Variants in TAFA2 observed in about 807,000 individuals in gnomAD.
The protein encoded by TAFA2 is chemokine-like protein TAFA-2.
TAFA2 carries 7 observed loss-of-function variants against 18.8 expected under a neutral mutation model. That is an observed-to-expected ratio of 0.37 (90% CI 0.21 to 0.70). The LOEUF is 0.70. Among genes scored for constraint, TAFA2 ranks in the 30% least tolerant of loss-of-function variants. The pLI is 0.53. For missense variants in TAFA2, 122 were observed against 158.1 expected, an observed-to-expected ratio of 0.77 and a Z score of 1.23; for synonymous variants, 60 against 54.2, an observed-to-expected ratio of 1.11 and a Z score of -0.47.
chr12:61,928,981 G>A (rs1877429221), intron 1 of TAFA2, among the ~76,000 whole-genome samples: 2 of 151,952 alleles, frequency 1.3e-5, no homozygotes, highest in Non-Finnish European at 2.9e-5. Context: ...ACACAGGGAG[G>A]GGAACATCAC....
At chr12:61,891,024 T>C (rs539987959) in intron 1 of TAFA2, among the ~76,000 whole-genome samples, 23 of 152,360 alleles carry the variant, frequency 1.5e-4, no homozygotes, top group African/African-American at 4.8e-4. Flanking sequence ...TCAGGAAATA[T>C]GTTTTGAGTA....
At chr12:61,912,387 G>A (rs777153030) in intron 1 of TAFA2, among the ~76,000 whole-genome samples, 7 of 152,136 alleles carry the variant, frequency 4.6e-5, no homozygotes, top group East Asian at 1.9e-4. Context: ...GAGATATATC[G>A]AGTGAAATAA....
chr12:61,998,154 T>A (rs1431225378), intron 1 of TAFA2, among the ~76,000 whole-genome samples: 1 of 152,144 alleles, frequency 6.6e-6, no homozygotes, highest in Non-Finnish European at 1.5e-5. Context: ...TCAGAGCAAG[T>A]AAAAGGAGAG....
intron 1 of TAFA2, among the ~76,000 whole-genome samples, chr12:62,161,498 G>C (rs1456816248): frequency 6.6e-6 from 1 of 152,178 alleles, no homozygotes; most frequent in Admixed American, 6.5e-5. Context: ...GCTAAACAAT[G>C]TGTACACATG....
At chr12:62,015,099 C>T (rs1177971945) in intron 1 of TAFA2, among the ~76,000 whole-genome samples, 2 of 152,198 alleles carry the variant, frequency 1.3e-5, no homozygotes, top group Non-Finnish European at 2.9e-5. Context: ...TGAAAAGTTA[C>T]TATGTCTCCA....
intron 1 of TAFA2, among the ~76,000 whole-genome samples, chr12:62,137,779 C>A (rs569834550): frequency 6.6e-6 from 1 of 152,214 alleles, no homozygotes; most frequent in East Asian, 1.9e-4. Flanking sequence ...ACACAGCAGC[C>A]AAAGTGATGC....
intron 1 of TAFA2, chr12:62,021,913 C>A: frequency 1.3e-6 from 1 of 743,242 alleles, no homozygotes; most frequent in Non-Finnish European, 2.5e-6. Context: ...TTTGGCCCCA[C>A]TCTCCATGAT....
At chr12:61,768,414 G>A (rs888209086) in intron 2 of TAFA2, among the ~76,000 whole-genome samples, 2 of 152,070 alleles carry the variant, frequency 1.3e-5, no homozygotes. Context: ...AACTACCGCA[G>A]GGACATACCA....
intron 4 of TAFA2, among the ~76,000 whole-genome samples, chr12:61,734,571 T>G (rs928385972): frequency 1.3e-5 from 2 of 151,986 alleles, no homozygotes; most frequent in African/African-American, 4.8e-5. Context: ...AGGAATGTAT[T>G]AGGCCCTATC....
intron 1 of TAFA2, among the ~76,000 whole-genome samples, chr12:62,131,563 T>A (rs1870686630): frequency 6.6e-6 from 1 of 151,992 alleles, no homozygotes; most frequent in South Asian, 2.1e-4. Context: ...CAAGACCACT[T>A]TTGAAGAGTG....
intron 1 of TAFA2, among the ~76,000 whole-genome samples, chr12:62,045,367 C>A (rs1171179375): frequency 6.6e-6 from 1 of 151,790 alleles, no homozygotes; most frequent in Admixed American, 6.6e-5. Context: ...TGGCTGGAAC[C>A]TGACCAAGAA....
intron 4 of TAFA2, among the ~76,000 whole-genome samples, chr12:61,734,755 A>T (rs949405814): frequency 1.6e-4 from 24 of 151,706 alleles, no homozygotes; most frequent in African/African-American, 5.6e-4. Context: ...ACCTCTTTTT[A>T]TTTTTTTTAA....
intron 2 of TAFA2, among the ~76,000 whole-genome samples, chr12:61,835,778 AAAATGGTGC>A (rs1229942959): frequency 6.6e-6 from 1 of 151,986 alleles, no homozygotes; most frequent in Non-Finnish European, 1.5e-5. Context: ...ATTACTGAAT[AAAATGGTGC>A]AAACATTTTG....
intron 1 of TAFA2, among the ~76,000 whole-genome samples, chr12:62,143,858 A>T (rs2062257987): frequency 6.7e-6 from 1 of 149,784 alleles, no homozygotes; most frequent in African/African-American, 2.5e-5. Flanking sequence ...GCATGGACAA[A>T]GTGGCAAAAC....
chr12:62,235,116 G>A (rs1223397235), intron 1 of TAFA2: 1 of 638,654 alleles, frequency 1.6e-6, no homozygotes, highest in African/African-American at 1.8e-5. Context: ...CTCTCCTACA[G>A]GCATTATCTG....
At chr12:61,991,623 C>T (rs1376719558) in intron 1 of TAFA2, among the ~76,000 whole-genome samples, 2 of 152,320 alleles carry the variant, frequency 1.3e-5, no homozygotes, top group Middle Eastern at 3.4e-3. Flanking sequence ...TAAATACACA[C>T]TAAATCTCCC....
At chr12:62,092,267 A>G (rs1868748189) in intron 1 of TAFA2, among the ~76,000 whole-genome samples, 1 of 151,946 alleles carries the variant, frequency 6.6e-6, no homozygotes, top group Non-Finnish European at 1.5e-5. Flanking sequence ...TTTCTCTTAA[A>G]TAAAAACTAG....
At chr12:61,865,509 C>G (rs533152270) in intron 2 of TAFA2, among the ~76,000 whole-genome samples, 1 of 152,114 alleles carries the variant, frequency 6.6e-6, no homozygotes, top group Non-Finnish European at 1.5e-5. Flanking sequence ...AAGGGAAAAG[C>G]AAAACCACAA....
At chr12:62,092,262 C>T (rs1181097863) in intron 1 of TAFA2, among the ~76,000 whole-genome samples, 2 of 151,976 alleles carry the variant, frequency 1.3e-5, no homozygotes, top group East Asian at 1.9e-4. Flanking sequence ...TGTAATTTCT[C>T]TTAAATAAAA....
Sources: gnomAD v4.1 joint callset for allele counts (sites outside exome capture counted in the v4.1 genomes callset) on GRCh38, gnomAD v4.1.1 for gene constraint, MANE v1.5 for transcripts, NCBI Gene and HGNC (gene_info 2026-07-23, HGNC 2026-07-21) for gene names.